The following PAWR variants were observed in gnomAD, a reference collection of about 807,000 sequenced individuals.
The protein encoded by PAWR is PRKC apoptosis WT1 regulator protein.
Under a neutral mutation model 32.0 loss-of-function variants are expected in PAWR, and 23 were observed. The ratio of observed to expected loss-of-function variants is 0.72; its 90% CI spans 0.52 to 1.02. The LOEUF is 1.02. PAWR is among the 50% of genes least tolerant of loss of function. PAWR has a pLI of 0.00. For missense variants in PAWR, 457 were observed against 437.7 expected (o/e 1.04, Z -0.39); for synonymous variants, 226 against 187.1 (o/e 1.21, Z -1.70).
rs1873425395 is a variant in PAWR, at chr12:79,587,698, T to C, written c.*4909A>G. ...GCATATGGTTTCTGTAAGAGGTACA[T>C]AATTAGATTACCAGCATTATCCTTT... On this transcript the variant is annotated 3_prime_UTR_variant, in exon 7 of 7. Transcript: ENST00000328827. The C allele has an allele frequency of 6.6e-6, 1 of 151,982 alleles. No individual in the cohort carries two copies. Among genetic ancestry groups the C allele is most frequent in the Non-Finnish European group, 1.5e-5 (1 of 67,876 alleles). The allele number at this position is 151,982 out of a possible 1,614,324, so 9.4% of individuals were successfully genotyped here.
chr12:79,594,003 C>G (rs1319720008), intron 6 of PAWR, among the ~76,000 whole-genome samples: 1 of 151,952 alleles, frequency 6.6e-6, no homozygotes, highest in African/African-American at 2.4e-5. Flanking sequence ...AGCGCCTGGC[C>G]AATTTTAGAT....
rs1325950294 is a variant in PAWR, at chr12:79,587,007, TAAGAA to T, written c.*5595_*5599del. On this transcript the variant is annotated 3_prime_UTR_variant, in exon 7 of 7. Transcript: ENST00000328827. The stretch of plus-strand genomic sequence containing the variant: ...TGAAGAAAAACTGAAAAAATGAGAT[TAAGAA>T]AATATGTGGGTAGTTTACAGCTGCT... The T allele has an allele frequency of 1.3e-5, 2 of 152,000 alleles. No individual in the cohort carries two copies. Among genetic ancestry groups the T allele is most frequent in the African/African-American group, 2.4e-5 (1 of 41,384 alleles). The allele number at this position is 152,000 out of a possible 1,614,324, so 9.4% of individuals were successfully genotyped here.
chr12:79,625,073 A>G (rs752014023), intron 2 of PAWR, among the ~76,000 whole-genome samples: 9 of 152,056 alleles, frequency 5.9e-5, no homozygotes, highest in Non-Finnish European at 1.2e-4. Context: ...TAGTTTTCAT[A>G]CTTTTGCAGT....
chr12:79,658,951 G>C (rs1474633068), intron 2 of PAWR, among the ~76,000 whole-genome samples: 1 of 149,088 alleles, frequency 6.7e-6, no homozygotes, highest in African/African-American at 2.5e-5. Flanking sequence ...ATGAGCCACT[G>C]CTCCTGGCCT....
chr12:79,603,440 C>CA (rs373566483), intron 4 of PAWR, among the ~76,000 whole-genome samples: 44 of 149,906 alleles, frequency 2.9e-4, no homozygotes, highest in African/African-American at 6.3e-4. Flanking sequence ...CCATTTTTCA[C>CA]AAAAAAAAAG....
At chr12:79,688,939 G>A (rs767055667) in intron 2 of PAWR, among the ~76,000 whole-genome samples, 2 of 152,156 alleles carry the variant, frequency 1.3e-5, no homozygotes. Flanking sequence ...TATACACTTA[G>A]TAAAAATGTT....
chr12:79,657,635 C>T lies in PAWR; in HGVS notation c.516+32094G>A, dbSNP rs556628070. ...TGAAACCCCGTCTCTACTAAAAACA[C>T]ACAAAAAAATTAGCTGGGCGTGGTG... On this transcript the variant is annotated intron_variant, in intron 2 of 6. Coordinates refer to ENST00000328827, the MANE Select transcript of PAWR (RefSeq NM_002583.4). Among the ~76,000 whole-genome samples, 16 of 151,976 alleles carry T rather than the reference C, an allele frequency of 1.1e-4. No homozygotes were observed. The East Asian group carries it at 3.1e-3, about 29-fold the overall frequency.
At chr12:79,630,047 T>C (rs1055467772) in intron 2 of PAWR, among the ~76,000 whole-genome samples, 2 of 151,858 alleles carry the variant, frequency 1.3e-5, no homozygotes, top group African/African-American at 4.8e-5. Context: ...AAGGCTTTCA[T>C]CTTAAAAAGC....
At chr12:79,673,198 T>C (rs1419913627) in intron 2 of PAWR, among the ~76,000 whole-genome samples, 2 of 151,924 alleles carry the variant, frequency 1.3e-5, no homozygotes, top group Non-Finnish European at 2.9e-5. Flanking sequence ...GCCTCCCGAG[T>C]AGCTGGGACT....
intron 2 of PAWR, among the ~76,000 whole-genome samples, chr12:79,659,910 G>A (rs567550612): frequency 6.6e-6 from 1 of 152,120 alleles, no homozygotes; most frequent in Non-Finnish European, 1.5e-5. Flanking sequence ...AGATTAAAGG[G>A]GGTGGGGAAA....
At chr12:79,657,025 A>T (rs1311215896) in intron 2 of PAWR, among the ~76,000 whole-genome samples, 1 of 152,176 alleles carries the variant, frequency 6.6e-6, no homozygotes, top group South Asian at 2.1e-4. Context: ...ATTGAACAGC[A>T]TCTTACGCAC....
At chr12:79,628,320 G>A (rs1350350187) in intron 2 of PAWR, among the ~76,000 whole-genome samples, 1 of 152,016 alleles carries the variant, frequency 6.6e-6, no homozygotes, top group East Asian at 1.9e-4. Context: ...AGTGTGTAGA[G>A]GTAAATTTAT....
rs1480946451 is a variant in PAWR, at chr12:79,589,505, C to T, written c.*3102G>A. 2 of 151,856 alleles carry T rather than the reference C, an allele frequency of 1.3e-5. No homozygotes were observed. Among genetic ancestry groups the T allele is most frequent in the Non-Finnish European group, 2.9e-5 (2 of 67,942 alleles). 9.4% of individuals were successfully genotyped at this position (151,856 alleles called of 1,614,324 possible). ...AAAAAAACTACATTGCTCCACATAC[C>T]TGATACTTAATTTTCTATGTTTGAA... is the stretch of plus-strand genomic sequence containing the variant. On this transcript the variant is annotated 3_prime_UTR_variant, in exon 7 of 7. Coordinates refer to ENST00000328827, the MANE Select transcript of PAWR (RefSeq NM_002583.4).
chr12:79,689,874 TG>T lies in PAWR; in HGVS notation c.370del (p.Gln124SerfsTer51). On this transcript the variant is annotated frameshift_variant, in exon 2 of 7. Transcript: ENST00000328827. LOFTEE classifies it high-confidence loss of function. Reference sequence around the variant, plus strand: ...GCCGTCCGGCTCCTCCTCGTCACGCTGGGGCGGCGGTGCAGCCGAGGCAGAG... The same window carrying T: ...GCCGTCCGGCTCCTCCTCGTCACGCTGGGCGGCGGTGCAGCCGAGGCAGAG... ...AASASAAPPPQRDEEEPDGVP... is the reference protein window; with the variant it reads ...AASASAAPPPXRDEEEPDGVP... 3 of 1,561,290 alleles carry T rather than the reference TG, an allele frequency of 1.9e-6. No homozygotes were observed. Among genetic ancestry groups the T allele is most frequent in the Admixed American group, 1.8e-5 (1 of 54,132 alleles).
chr12:79,602,754 C>A (rs1874012082), intron 4 of PAWR, among the ~76,000 whole-genome samples: 2 of 151,934 alleles, frequency 1.3e-5, no homozygotes, highest in South Asian at 4.2e-4. Flanking sequence ...CAGGCATATG[C>A]CACCATACCT....
intron 2 of PAWR, among the ~76,000 whole-genome samples, chr12:79,629,988 T>A (rs1255071532): frequency 6.6e-6 from 1 of 151,930 alleles, no homozygotes; most frequent in African/African-American, 2.4e-5. Context: ...AGAAAATTTA[T>A]AACAATGAAT....
intron 2 of PAWR, among the ~76,000 whole-genome samples, chr12:79,628,310 A>C (rs1223199554): frequency 1.3e-5 from 2 of 152,202 alleles, no homozygotes; most frequent in Non-Finnish European, 2.9e-5. Flanking sequence ...CATTCAAAGC[A>C]GTGTGTAGAG....
At chr12:79,687,931 T>C (rs1305480690) in intron 2 of PAWR, among the ~76,000 whole-genome samples, 2 of 152,092 alleles carry the variant, frequency 1.3e-5, no homozygotes, top group Admixed American at 6.5e-5. Flanking sequence ...GACAGAGACA[T>C]AGTTACCACT....
chr12:79,681,843 A>C (rs570723286), intron 2 of PAWR, among the ~76,000 whole-genome samples: 3 of 152,322 alleles, frequency 2.0e-5, no homozygotes, highest in East Asian at 3.9e-4. Flanking sequence ...ATTTCAGCTA[A>C]TACAATCGTA....
Sources: gnomAD v4.1 joint callset for allele counts (sites outside exome capture counted in the v4.1 genomes callset) on GRCh38, gnomAD v4.1.1 for gene constraint, MANE v1.5 for transcripts, NCBI Gene and HGNC (gene_info 2026-07-23, HGNC 2026-07-21) for gene names.